Variants in RNF6 observed in about 807,000 individuals in gnomAD.
The protein encoded by RNF6 is ring finger protein 6.
Under a neutral mutation model 50.1 loss-of-function variants are expected in RNF6, and 21 were observed. The ratio of observed to expected loss-of-function variants is 0.42; its 90% CI spans 0.30 to 0.60. The LOEUF is 0.60. RNF6 is among the 20% of genes least tolerant of loss of function. RNF6 has a pLI of 0.20. For missense variants in RNF6, 698 were observed against 838.2 expected (o/e 0.83, Z 2.07); for synonymous variants, 255 against 291.8 (o/e 0.87, Z 1.29).
chr13:26,138,076 G>T (rs1870742185), intron 5 of RNF6, among the ~76,000 whole-genome samples: 1 of 152,036 alleles, frequency 6.6e-6, no homozygotes, highest in African/African-American at 2.4e-5. Flanking sequence ...ACTACTGAAA[G>T]GCAAAGCCAA....
intron 5 of RNF6, among the ~76,000 whole-genome samples, chr13:26,181,873 C>T (rs1458841436): frequency 6.6e-6 from 1 of 152,192 alleles, no homozygotes; most frequent in Non-Finnish European, 1.5e-5. Flanking sequence ...AGAGCTGGTG[C>T]CTCCTCATCC....
At chr13:26,202,040 T>C (rs1175710872) in intron 5 of RNF6, among the ~76,000 whole-genome samples, 3 of 152,186 alleles carry the variant, frequency 2.0e-5, no homozygotes, top group Non-Finnish European at 2.9e-5. Flanking sequence ...TAGGCCCTTA[T>C]TCTGAGAGCG....
chr13:26,145,649 C>A (rs1871194621), intron 5 of RNF6, among the ~76,000 whole-genome samples: 1 of 152,186 alleles, frequency 6.6e-6, no homozygotes, highest in Admixed American at 6.5e-5. Flanking sequence ...ACCTGTACAG[C>A]TTGCAGAAGC....
At chr13:26,210,132 C>T (rs1869264880), downstream of RNF6, among the ~76,000 whole-genome samples, 1 of 152,198 alleles carries the variant, frequency 6.6e-6, no homozygotes, top group Admixed American at 6.5e-5. Flanking sequence ...GGATGATGTT[C>T]TCAACGATAG....
chr13:26,139,673 C>A (rs1340041933), intron 5 of RNF6, among the ~76,000 whole-genome samples: 4 of 152,080 alleles, frequency 2.6e-5, no homozygotes, highest in Non-Finnish European at 4.4e-5. Context: ...TCTTCCTGTC[C>A]AAGAAAATGG....
chr13:26,171,008 T>C (rs1872674792), intron 5 of RNF6, among the ~76,000 whole-genome samples: 1 of 152,174 alleles, frequency 6.6e-6, no homozygotes, highest in Non-Finnish European at 1.5e-5. Flanking sequence ...TGGCAACGAT[T>C]TCTTGCATAT....
intron 5 of RNF6, among the ~76,000 whole-genome samples, chr13:26,173,226 A>C (rs968424080): frequency 6.6e-6 from 1 of 152,238 alleles, no homozygotes; most frequent in African/African-American, 2.4e-5. Context: ...TATAGCTTTA[A>C]AAAACTCATA....
At chr13:26,165,396 G>A (rs1872401985) in intron 5 of RNF6, among the ~76,000 whole-genome samples, 1 of 152,196 alleles carries the variant, frequency 6.6e-6, no homozygotes. Flanking sequence ...AGAGAAATGT[G>A]GGGTTGGAGC....
chr13:26,216,765 T>A (rs1869921518), intron 4 of RNF6, among the ~76,000 whole-genome samples: 1 of 152,160 alleles, frequency 6.6e-6, no homozygotes, highest in Non-Finnish European at 1.5e-5. Flanking sequence ...CCAGCCTGAC[T>A]GACATGGTAA....
chr13:26,219,498 T>C lies in RNF6; in HGVS notation c.152A>G (p.Asp51Gly). 1 of 1,613,956 alleles carries C rather than the reference T, an allele frequency of 6.2e-7. No individual in the cohort carries two copies. Among genetic ancestry groups the C allele is most frequent in the Non-Finnish European group, 8.5e-7 (1 of 1,179,908 alleles). ...ATTATGGTCTCTCATAAGCCGATAA[T>C]CTTCATCATTGAGTTCATTAATAAA... ...YQFINELNDE[D>G]YRLMRDHNLL... The change falls in exon 3 of 5, where the codon GAT becomes GGT. Residue 51 changes from aspartate to glycine, a missense_variant. Physicochemically the swap from Asp to Gly is moderately conservative, Grantham distance 94 (BLOSUM62 -1). Coordinates refer to ENST00000381588, the MANE Select transcript of RNF6 (RefSeq NM_005977.4).
intron 5 of RNF6, among the ~76,000 whole-genome samples, chr13:26,196,604 G>T (rs1000723212): frequency 6.6e-6 from 1 of 151,320 alleles, no homozygotes; most frequent in Non-Finnish European, 1.5e-5. Context: ...CTGCCCTCTA[G>T]CCTGGGTGAC....
At chr13:26,154,767 C>T (rs753838739) in intron 5 of RNF6, among the ~76,000 whole-genome samples, 4 of 152,216 alleles carry the variant, frequency 2.6e-5, no homozygotes, top group Non-Finnish European at 5.9e-5. Context: ...TTGTGGCTCA[C>T]ACCTGTAATC....
intron 5 of RNF6, among the ~76,000 whole-genome samples, chr13:26,191,910 G>T (rs1868479474): frequency 6.6e-6 from 1 of 152,194 alleles, no homozygotes; most frequent in Admixed American, 6.5e-5. Flanking sequence ...TTTGAGTAAA[G>T]ACTTAAATGA....
chr13:26,206,844 G>C (rs1869129376), intron 5 of RNF6, among the ~76,000 whole-genome samples: 1 of 151,942 alleles, frequency 6.6e-6, no homozygotes, highest in Non-Finnish European at 1.5e-5. Context: ...ACATAGATGG[G>C]GAACTGAGCA....
chr13:26,206,496 T>C (rs566644141), intron 5 of RNF6, among the ~76,000 whole-genome samples: 8 of 152,330 alleles, frequency 5.3e-5, no homozygotes, highest in African/African-American at 1.4e-4. Flanking sequence ...TTCAGGACCA[T>C]TGGATTTTTC....
intron 5 of RNF6, among the ~76,000 whole-genome samples, chr13:26,136,294 A>G (rs1291988020): frequency 6.6e-6 from 1 of 152,232 alleles, no homozygotes; most frequent in African/African-American, 2.4e-5. Context: ...AACAGATGTT[A>G]TATAGATCAG....
intron 4 of RNF6, 54 bp from the exon 5 acceptor site, chr13:26,215,646 C>T: frequency 7.0e-7 from 1 of 1,424,226 alleles, no homozygotes; most frequent in South Asian, 1.4e-5. Context: ...CACCTTACAG[C>T]TTTATTGAAA....
chr13:26,173,782 C>T (rs537564293), intron 5 of RNF6, among the ~76,000 whole-genome samples: 1 of 151,866 alleles, frequency 6.6e-6, no homozygotes, highest in Non-Finnish European at 1.5e-5. Context: ...GAAACCCCGG[C>T]TCTACTAAAA....
Position 26,193,696 on chromosome 13 carries a change from GCA to G in RNF6, n.768+21776_768+21777del, listed in dbSNP as rs1017877182. Among the ~76,000 whole-genome samples, 142 of 152,196 alleles carry G rather than the reference GCA, an allele frequency of 9.3e-4. 1 individual carries two copies. Among genetic ancestry groups the G allele is most frequent in the Non-Finnish European group, 1.6e-3 (106 of 68,044 alleles). ...AAGAGAGAGTTTTTAAAATACCCTT[GCA>G]TACTGAAGGAATGATCCAGTACAAG... On this transcript the variant is annotated intron_variant and non_coding_transcript_variant, in intron 5 of 5. Transcript: ENST00000468480.
Sources: gnomAD v4.1 joint callset for allele counts (sites outside exome capture counted in the v4.1 genomes callset) on GRCh38, gnomAD v4.1.1 for gene constraint, MANE v1.5 for transcripts, NCBI Gene and HGNC (gene_info 2026-07-23, HGNC 2026-07-21) for gene names.